The following CCDC171 variants were observed in gnomAD, a reference collection of about 807,000 sequenced individuals.
The protein encoded by CCDC171 is coiled-coil domain-containing protein 171.
Under a neutral mutation model 168.2 loss-of-function variants are expected in CCDC171, and 177 were observed. That is an observed-to-expected ratio of 1.05 (90% CI 0.93 to 1.19). The LOEUF is 1.19. Ranked by LOEUF, CCDC171 falls within the 50% of genes most tolerant of loss-of-function variation. The probability of loss-of-function intolerance (pLI) is 0.00; values close to 1 mark genes in which losing one functional copy is unlikely to be tolerated. For missense variants in CCDC171, 1,991 were observed against 1,539.0 expected (o/e 1.29, Z -4.91); for synonymous variants, 687 against 540.8 (o/e 1.27, Z -3.75).
chr9:15,692,407 A>G (rs1785829627), intron 10 of CCDC171, among the ~76,000 whole-genome samples: 1 of 151,560 alleles, frequency 6.6e-6, no homozygotes, highest in African/African-American at 2.4e-5. Flanking sequence ...TTGTTGGCTT[A>G]TTTACTTTTT....
At chr9:15,857,683 G>A (rs1358562384) in intron 23 of CCDC171, among the ~76,000 whole-genome samples, 1 of 151,770 alleles carries the variant, frequency 6.6e-6, no homozygotes, top group Non-Finnish European at 1.5e-5. Context: ...CTCGGCCTCA[G>A]AAAGTGCTGG....
chr9:15,997,468 G>A (rs1300274174), intron 3 of CCDC171, among the ~76,000 whole-genome samples: 2 of 152,136 alleles, frequency 1.3e-5, no homozygotes, highest in African/African-American at 4.8e-5. Context: ...AGTTCAGAGT[G>A]GACCACCTGC....
intron 18 of CCDC171, among the ~76,000 whole-genome samples, chr9:15,764,076 G>T (rs1441083464): frequency 6.6e-6 from 1 of 152,138 alleles, no homozygotes; most frequent in Non-Finnish European, 1.5e-5. Flanking sequence ...AAAGGAGTGT[G>T]CTTGATATTT....
chr9:15,856,086 T>C (rs1279180161), intron 23 of CCDC171, among the ~76,000 whole-genome samples: 1 of 151,986 alleles, frequency 6.6e-6, no homozygotes, highest in Non-Finnish European at 1.5e-5. Context: ...GCATTTCTTA[T>C]TGGGCAGATC....
intron 11 of CCDC171, among the ~76,000 whole-genome samples, chr9:15,712,559 G>A (rs964540483): frequency 3.3e-5 from 5 of 152,178 alleles, no homozygotes; most frequent in Non-Finnish European, 7.3e-5. Context: ...AGTATTTTGT[G>A]TACACATGGA....
chr9:15,948,656 C>G (rs1171856426), intron 25 of CCDC171, among the ~76,000 whole-genome samples: 14 of 151,938 alleles, frequency 9.2e-5, no homozygotes, highest in Admixed American at 9.2e-4. Flanking sequence ...GTCCTTCGCC[C>G]CCTTTTTGAT....
At chr9:15,718,556 G>C (rs1330644984) in intron 11 of CCDC171, among the ~76,000 whole-genome samples, 1 of 152,234 alleles carries the variant, frequency 6.6e-6, no homozygotes, top group Non-Finnish European at 1.5e-5. Context: ...GTTTGACCTA[G>C]TGCAGTCCTA....
At chr9:15,660,151 TAATGA>T (rs1294952679) in intron 8 of CCDC171, among the ~76,000 whole-genome samples, 1 of 152,246 alleles carries the variant, frequency 6.6e-6, no homozygotes, top group Non-Finnish European at 1.5e-5. Flanking sequence ...CTTTTGACTT[TAATGA>T]AATGTTCTTT....
At chr9:16,062,295 C>A (rs1331014507), downstream of CCDC171, among the ~76,000 whole-genome samples, 1 of 152,132 alleles carries the variant, frequency 6.6e-6, no homozygotes, top group Non-Finnish European at 1.5e-5. Flanking sequence ...TGAATTAATG[C>A]AGGATCAGAA....
chr9:15,736,550 C>T (rs1438570424), intron 16 of CCDC171, among the ~76,000 whole-genome samples: 1 of 152,108 alleles, frequency 6.6e-6, no homozygotes, highest in Non-Finnish European at 1.5e-5. Context: ...CGGGGTTTCG[C>T]CCTGTTGTCC....
At chr9:15,601,101 G>T (rs755282082) in intron 6 of CCDC171, among the ~76,000 whole-genome samples, 1 of 152,154 alleles carries the variant, frequency 6.6e-6, no homozygotes, top group Admixed American at 6.5e-5. Flanking sequence ...GCGATGCCTC[G>T]CCCTGCTTCG....
At chr9:15,990,645 G>C in intron 3 of CCDC171, among the ~76,000 whole-genome samples, 1 of 152,250 alleles carries the variant, frequency 6.6e-6, no homozygotes, top group South Asian at 2.1e-4. Context: ...TGGATAAAGC[G>C]TCAAGACCCA....
intron 23 of CCDC171, among the ~76,000 whole-genome samples, chr9:15,864,647 A>G (rs1341365015): frequency 2.0e-5 from 3 of 152,116 alleles, no homozygotes; most frequent in Non-Finnish European, 4.4e-5. Context: ...AAGGGAAAGC[A>G]CAACAATTAT....
chr9:15,620,767 T>A (rs753670782), intron 6 of CCDC171, among the ~76,000 whole-genome samples: 2 of 151,926 alleles, frequency 1.3e-5, no homozygotes, highest in Non-Finnish European at 2.9e-5. Flanking sequence ...GAAGAAAGAG[T>A]CAACCAATGT....
intron 3 of CCDC171, among the ~76,000 whole-genome samples, chr9:15,988,217 C>G (rs140337256): frequency 7.1e-4 from 108 of 152,246 alleles, no homozygotes; most frequent in African/African-American, 2.5e-3. Flanking sequence ...TTTCAGTCAC[C>G]ACCTATGAAG....
intron 14 of CCDC171, among the ~76,000 whole-genome samples, chr9:15,727,019 G>T (rs1229424970): frequency 1.3e-5 from 2 of 152,252 alleles, no homozygotes; most frequent in Admixed American, 6.5e-5. Context: ...GAATTCTGCA[G>T]CATAGTAAGT....
intron 18 of CCDC171, among the ~76,000 whole-genome samples, chr9:15,756,757 A>G (rs1430154692): frequency 1.3e-5 from 2 of 152,174 alleles, no homozygotes; most frequent in Non-Finnish European, 2.9e-5. Context: ...TGTGGGAGAG[A>G]CCTGGTGGGA....
intron 7 of CCDC171, among the ~76,000 whole-genome samples, chr9:15,656,808 G>A (rs1553727): frequency 0.93 from 142,140 of 152,240 alleles, 66,470 homozygotes; most frequent in East Asian, 1. Context: ...AATGTTTCCT[G>A]TATTGATTGT....
intron 6 of CCDC171, among the ~76,000 whole-genome samples, chr9:15,603,072 C>T (rs575682226): frequency 1.1e-4 from 17 of 152,252 alleles, no homozygotes; most frequent in Non-Finnish European, 2.2e-4. Context: ...ACCTCCACCT[C>T]CTGGGTTCAT....
Sources: allele counts gnomAD v4.1 joint callset (sites outside exome capture counted in the v4.1 genomes callset), GRCh38; gene constraint gnomAD v4.1.1; transcripts MANE v1.5; gene names NCBI Gene and HGNC (gene_info 2026-07-23, HGNC 2026-07-21).